The following FPR3 variants were observed in gnomAD, a reference collection of about 807,000 sequenced individuals.
FPR3 encodes formyl peptide receptor 3, also known as N-formyl peptide receptor 3.
For missense variants in FPR3, 346 were observed against 443.2 expected, an observed-to-expected ratio of 0.78 and a Z score of 1.97; for synonymous variants, 135 against 163.6, an observed-to-expected ratio of 0.83 and a Z score of 1.34.
Position 51,805,138 on chromosome 19 carries a change from C to T in FPR3, c.-11+9807C>T, listed in dbSNP as rs186678974. 16 of 152,328 alleles carry T rather than the reference C, an allele frequency of 1.1e-4. No individual in the cohort carries two copies. In the East Asian group the frequency reaches 2.5e-3, roughly 24 times the overall value. 9.4% of individuals were successfully genotyped at this position (152,328 alleles called of 1,614,324 possible). The stretch of plus-strand genomic sequence containing the variant: ...CTCCAGTGGAATGCTGAGTTGGTCA[C>T]GTCCCATGGGCCTTCGGCTCCCTGC... On this transcript the variant is annotated intron_variant, in intron 1 of 1. Transcript: ENST00000339223.
intron 1 of FPR3, among the ~76,000 whole-genome samples, chr19:51,813,881 G>GT (rs969067963): frequency 5.9e-5 from 9 of 152,142 alleles, no homozygotes; most frequent in Non-Finnish European, 8.8e-5. Context: ...AATGAAGCCA[G>GT]TTTTTTTGTT....
At chr19:51,799,119 C>T (rs2084015478) in intron 1 of FPR3, among the ~76,000 whole-genome samples, 1 of 152,016 alleles carries the variant, frequency 6.6e-6, no homozygotes, top group South Asian at 2.1e-4. Context: ...CGGACATTTG[C>T]CCCTGAACTT....
At chr19:51,808,627 A>G (rs1251628749) in intron 1 of FPR3, among the ~76,000 whole-genome samples, 1 of 152,206 alleles carries the variant, frequency 6.6e-6, no homozygotes, top group South Asian at 2.1e-4. Flanking sequence ...AATGCAAATC[A>G]AGGCTTATCC....
chr19:51,823,649 TAGG>T (rs1309408946), intron 1 of FPR3, 87 bp from the exon 2 acceptor site: 3 of 999,308 alleles, frequency 3.0e-6, no homozygotes, highest in East Asian at 5.2e-5. Context: ...GGTCTGCTGG[TAGG>T]AGGAGGAGCT....
intron 1 of FPR3, 40 bp from the exon 2 acceptor site, chr19:51,823,699 G>A (rs767584609): frequency 1.5e-5 from 21 of 1,426,044 alleles, no homozygotes; most frequent in Non-Finnish European, 1.9e-5. Context: ...TTGTAAGATG[G>A]TGTCACAGCT....
chr19:51,815,566 C>CT (rs1396015482), intron 1 of FPR3, among the ~76,000 whole-genome samples: 1 of 24,668 alleles, frequency 4.1e-5, no homozygotes. Flanking sequence ...GAGACTCTGT[C>CT]TAAAAAAAAA....
intron 1 of FPR3, among the ~76,000 whole-genome samples, chr19:51,808,993 G>T (rs7253728): frequency 1.3e-5 from 2 of 152,050 alleles, no homozygotes; most frequent in South Asian, 2.1e-4. Flanking sequence ...AATGACCCTC[G>T]TCAGAAATCC....
intron 1 of FPR3, among the ~76,000 whole-genome samples, chr19:51,811,830 G>A (rs961984449): frequency 1.3e-5 from 2 of 152,184 alleles, no homozygotes; most frequent in Non-Finnish European, 2.9e-5. Context: ...GGGAGTAGTC[G>A]TGAGTTTGCC....
At chr19:51,798,319 G>A (rs1308748795) in intron 1 of FPR3, among the ~76,000 whole-genome samples, 1 of 152,008 alleles carries the variant, frequency 6.6e-6, no homozygotes, top group Non-Finnish European at 1.5e-5. Context: ...TCTGGATAGC[G>A]GCCAGGGGTG....
intron 1 of FPR3, among the ~76,000 whole-genome samples, chr19:51,802,458 G>C (rs2084031041): frequency 6.6e-6 from 1 of 152,166 alleles, no homozygotes; most frequent in African/African-American, 2.4e-5. Flanking sequence ...ATGAGTGGAT[G>C]AAGTTTTTAA....
intron 1 of FPR3, chr19:51,811,526 T>C (rs1410865573): frequency 6.6e-6 from 1 of 152,214 alleles, no homozygotes; most frequent in Non-Finnish European, 1.5e-5. Context: ...CGTTGTCAAT[T>C]TCAGTTCCTC....
chr19:51,816,215 A>G (rs1471681322), intron 1 of FPR3, among the ~76,000 whole-genome samples: 1 of 152,148 alleles, frequency 6.6e-6, no homozygotes, highest in African/African-American at 2.4e-5. Context: ...TACTTGCCCT[A>G]TGCATCTATT....
intron 1 of FPR3, among the ~76,000 whole-genome samples, chr19:51,801,950 T>C (rs1038950717): frequency 6.6e-6 from 1 of 152,208 alleles, no homozygotes; most frequent in Non-Finnish European, 1.5e-5. Context: ...TAAAATATTC[T>C]ATGTTGGACA....
rs553121252 is a variant in FPR3 at position 51,825,136 on chromosome 19, T to A, written c.*326T>A. The A allele has an allele frequency of 1.2e-5, 3 of 257,706 alleles. No individual in the cohort carries two copies. The highest frequency in any genetic ancestry group is 2.4e-5 in the Non-Finnish European group (3 of 126,344). The allele number at this position is 257,706 out of a possible 1,614,324, so 16.0% of individuals were successfully genotyped here. A position where few individuals can be genotyped will look rare whatever the true frequency, so the allele number is the denominator to read the frequency against. On this transcript the variant is annotated 3_prime_UTR_variant, in exon 2 of 2. Coordinates refer to ENST00000339223, the MANE Select transcript of FPR3 (RefSeq NM_002030.5). ...GAAACTTCGGACCAACCAGCTTCAA[T>A]CAGGGTTCCCACTACCCCCTCTTTG...
rs779630767 is a variant in FPR3 at position 51,823,731 on chromosome 19, T to C, written c.-10-8T>C. The C allele has an allele frequency of 5.8e-6, 9 of 1,550,286 alleles. No individual in the cohort carries two copies. Among genetic ancestry groups the C allele is most frequent in the Non-Finnish European group, 7.8e-6 (9 of 1,148,250 alleles). On this transcript the variant is annotated splice_polypyrimidine_tract_variant and splice_region_variant and intron_variant, in intron 1 of 1. Transcript: ENST00000339223. ...AGCTGAGAAATGGCCATTGCTGAAA[T>C]GTTTCAGGTGTGGGAAGATGGAAAC...
chr19:51,821,543 C>T (rs1167624840), intron 1 of FPR3, among the ~76,000 whole-genome samples: 1 of 152,104 alleles, frequency 6.6e-6, no homozygotes, highest in Non-Finnish European at 1.5e-5. Flanking sequence ...CTACATTAAA[C>T]AATGTCCCAT....
intron 1 of FPR3, among the ~76,000 whole-genome samples, chr19:51,819,838 G>T (rs1169075402): frequency 1.3e-5 from 2 of 152,140 alleles, no homozygotes; most frequent in Non-Finnish European, 2.9e-5. Context: ...GGAAGGGATA[G>T]GATAATGGTT....
intron 1 of FPR3, among the ~76,000 whole-genome samples, chr19:51,800,428 C>T (rs2084021477): frequency 6.6e-6 from 1 of 152,172 alleles, no homozygotes; most frequent in South Asian, 2.1e-4. Context: ...CAGTGCCCAC[C>T]ACTGCTTACA....
chr19:51,823,808 T>C lies in FPR3; in HGVS notation c.60T>C (p.Ala20=). 1 of 1,613,674 alleles carries C rather than the reference T, an allele frequency of 6.2e-7. No individual in the cohort carries two copies. Among genetic ancestry groups the C allele is most frequent in the Non-Finnish European group, 8.5e-7 (1 of 1,179,756 alleles). Residue 20 remains alanine (A), a synonymous_variant, in exon 2 of 2, where the codon GCT becomes GCC. Coordinates refer to ENST00000339223, the MANE Select transcript of FPR3 (RefSeq NM_002030.5). ...CTGAGGAGGTGCTCCCTGAGCCTGC[T>C]GGCCACACCGTTCTGTGGATCTTCT... The part of the protein sequence containing the change: ...NETEEVLPEP[A]GHTVLWIFSL...
Sources: gnomAD v4.1 joint callset for allele counts (sites outside exome capture counted in the v4.1 genomes callset) on GRCh38, gnomAD v4.1.1 for gene constraint, MANE v1.5 for transcripts, NCBI Gene and HGNC (gene_info 2026-07-23, HGNC 2026-07-21) for gene names.